TBC1D1: variants seen among roughly 807,000 people sequenced by gnomAD.
TBC1D1 encodes TBC1 (tre-2/USP6, BUB2, cdc16) domain family, member 1.
In TBC1D1, 89 loss-of-function variants were observed where a neutral mutation model predicts 125.6. The observed-to-expected ratio is 0.71, with a 90% CI of 0.60 to 0.85. The LOEUF is 0.85. Among genes scored for constraint, TBC1D1 ranks in the 40% least tolerant of loss-of-function variants. The pLI is 0.00. For missense variants in TBC1D1, 1,377 were observed against 1,469.2 expected, an observed-to-expected ratio of 0.94 and a Z score of 1.03; for synonymous variants, 565 against 564.1, an observed-to-expected ratio of 1.00 and a Z score of -0.02.
rs766010276 is a variant in TBC1D1 at position 38,133,079 on chromosome 4, A to G, written c.3133-5A>G. On this transcript the variant is annotated splice_polypyrimidine_tract_variant and splice_region_variant and intron_variant, in intron 18 of 19. Transcript: ENST00000261439. ...AGTACGTGATGACTTTTCTTTCTAT[A>G]ACAGGTATTTGAAATGGACATCGCT... 31 of 1,607,658 alleles carry G rather than the reference A, an allele frequency of 1.9e-5. No homozygotes were observed. The South Asian group carries it at 3.5e-4, about 18-fold the overall frequency.
chr4:38,057,565 A>G (rs1329768772), intron 12 of TBC1D1, among the ~76,000 whole-genome samples: 1 of 152,220 alleles, frequency 6.6e-6, no homozygotes, highest in Non-Finnish European at 1.5e-5. Context: ...TCTTCTCAGA[A>G]CCAAGCCGCC....
rs560106056 is a variant in TBC1D1, at chr4:37,982,965, C to T, written c.418-31544C>T. On this transcript the variant is annotated intron_variant, in intron 2 of 19. Coordinates refer to ENST00000261439, the MANE Select transcript of TBC1D1 (RefSeq NM_015173.4). The stretch of plus-strand genomic sequence containing the variant: ...GCCTGGAGGCCCCTTGGTGGAGCTG[C>T]ACTCACAGGAGGTTGGTGGGCCTGG... Among the ~76,000 whole-genome samples, 7 of 152,258 alleles carry T rather than the reference C, an allele frequency of 4.6e-5. No individual in the cohort carries two copies. The East Asian group carries it at 5.8e-4, about 13-fold the overall frequency.
intron 11 of TBC1D1, chr4:38,051,988 C>A: frequency 6.4e-7 from 1 of 1,550,958 alleles, no homozygotes; most frequent in Non-Finnish European, 8.7e-7. Flanking sequence ...CCCTCCGCCT[C>A]CTCGCCAAAC....
At chr4:37,910,963 A>T (rs1248072123) in intron 2 of TBC1D1, among the ~76,000 whole-genome samples, 1 of 151,736 alleles carries the variant, frequency 6.6e-6, no homozygotes, top group African/African-American at 2.4e-5. Context: ...AGATATTTTA[A>T]ATATAATTTT....
At chr4:38,081,388 C>T (rs1756526452) in intron 12 of TBC1D1, among the ~76,000 whole-genome samples, 1 of 152,084 alleles carries the variant, frequency 6.6e-6, no homozygotes, top group Admixed American at 6.5e-5. Context: ...AAACCCCACC[C>T]CTCTCCCACC....
chr4:38,042,820 A>G (rs1035657818), intron 8 of TBC1D1, among the ~76,000 whole-genome samples: 6 of 152,228 alleles, frequency 3.9e-5, no homozygotes, highest in Non-Finnish European at 1.5e-5. Context: ...TATTTGTTAT[A>G]TTAGTCTCTA....
At chr4:37,935,992 C>T (rs1399954369) in intron 2 of TBC1D1, among the ~76,000 whole-genome samples, 1 of 152,154 alleles carries the variant, frequency 6.6e-6, no homozygotes, top group East Asian at 1.9e-4. Context: ...TCACTTCCCC[C>T]AGGAGGCCTT....
chr4:38,021,617 C>A lies in TBC1D1; in HGVS notation c.1109C>A (p.Ala370Asp). ...GAAATTATGATGACCCTGAAACAGG[C>A]CTTCACGGTGGCCGCAGTGCAGCAG... Residue 370 changes from alanine (A) to aspartate (D), a missense_variant, in exon 6 of 20, where the codon GCC becomes GAC. Physicochemically the swap from Ala to Asp is moderately radical, Grantham distance 126. Coordinates refer to ENST00000261439, the MANE Select transcript of TBC1D1 (RefSeq NM_015173.4). 1 of 1,588,178 alleles carries A rather than the reference C, an allele frequency of 6.3e-7. No individual in the cohort carries two copies. Among genetic ancestry groups the A allele is most frequent in the Non-Finnish European group, 8.6e-7 (1 of 1,168,624 alleles).
chr4:37,963,515 T>C (rs1730459708), intron 2 of TBC1D1, among the ~76,000 whole-genome samples: 1 of 152,124 alleles, frequency 6.6e-6, no homozygotes, highest in Non-Finnish European at 1.5e-5. Flanking sequence ...TAGCCGGGCA[T>C]GGTGGCACAT....
At chr4:38,137,004 G>T (rs912971459) in intron 19 of TBC1D1, 131 bp from the exon 22 acceptor site, 2 of 1,466,778 alleles carry the variant, frequency 1.4e-6, no homozygotes, top group African/African-American at 1.4e-5. Context: ...CAGAACTGAT[G>T]ATAAACTGTA....
chr4:37,996,639 A>C (rs1737865960), intron 2 of TBC1D1, among the ~76,000 whole-genome samples: 1 of 152,264 alleles, frequency 6.6e-6, no homozygotes, highest in Non-Finnish European at 1.5e-5. Context: ...CATATTTTAA[A>C]ATTGTAAATA....
At position 38,057,861 on chromosome 4, in the gene TBC1D1, C is replaced by T. The variant is rs1044276579; in HGVS notation, c.2050+3523C>T. Among the ~76,000 whole-genome samples, 8 of 152,280 alleles carry T rather than the reference C, an allele frequency of 5.3e-5. No individual in the cohort carries two copies. In the East Asian group the frequency reaches 5.8e-4, roughly 11 times the overall value. ...GAGCCAGAGGCAGGACCTGAGCTCG[C>T]GGGTCTGAGCTCCAAAGCTCATTCT... On this transcript the variant is annotated intron_variant, in intron 12 of 19. Coordinates refer to ENST00000261439, the MANE Select transcript of TBC1D1 (RefSeq NM_015173.4).
At chr4:38,088,162 A>G (rs1757856548) in intron 12 of TBC1D1, among the ~76,000 whole-genome samples, 1 of 152,142 alleles carries the variant, frequency 6.6e-6, no homozygotes, top group African/African-American at 2.4e-5. Context: ...AGAATAAAAA[A>G]AAAGAAAGGA....
chr4:37,992,275 C>T (rs925136690), intron 2 of TBC1D1, among the ~76,000 whole-genome samples: 5 of 151,984 alleles, frequency 3.3e-5, no homozygotes, highest in South Asian at 2.1e-4. Flanking sequence ...CCCGGACCAG[C>T]GCTTGAGGTT....
At chr4:38,108,509 G>T (rs1188536473) in intron 15 of TBC1D1, among the ~76,000 whole-genome samples, 1 of 152,196 alleles carries the variant, frequency 6.6e-6, no homozygotes, top group Non-Finnish European at 1.5e-5. Context: ...TATAATCCCT[G>T]CAAGAGTCTG....
intron 13 of TBC1D1, among the ~76,000 whole-genome samples, chr4:38,092,263 A>G (rs1758550223): frequency 6.6e-6 from 1 of 152,232 alleles, no homozygotes; most frequent in Non-Finnish European, 1.5e-5. Flanking sequence ...ATGATGTATA[A>G]TGAAACAAAT....
chr4:38,102,209 G>T (rs189161717), intron 14 of TBC1D1, among the ~76,000 whole-genome samples: 1 of 151,698 alleles, frequency 6.6e-6, no homozygotes, highest in African/African-American at 2.4e-5. Context: ...AAACCTGCAC[G>T]TTGTGCACAT....
intron 1 of TBC1D1, among the ~76,000 whole-genome samples, chr4:37,900,970 G>A (rs996694988): frequency 4.0e-5 from 6 of 151,760 alleles, no homozygotes; most frequent in Non-Finnish European, 7.4e-5. Flanking sequence ...TACTTGGAAG[G>A]CTGAGGCAGG....
intron 2 of TBC1D1, among the ~76,000 whole-genome samples, chr4:37,955,646 G>A (rs554319648): frequency 1.3e-4 from 20 of 152,224 alleles, no homozygotes; most frequent in African/African-American, 4.6e-4. Context: ...CCACAGATGC[G>A]AAACCCATGG....
Sources: gnomAD v4.1 joint callset for allele counts (sites outside exome capture counted in the v4.1 genomes callset) on GRCh38, gnomAD v4.1.1 for gene constraint, MANE v1.5 for transcripts, NCBI Gene and HGNC (gene_info 2026-07-23, HGNC 2026-07-21) for gene names.